STX12: variants seen among roughly 807,000 people sequenced by gnomAD.
STX12 encodes the protein syntaxin 12, also known as syntaxin-12.
STX12 carries 17 observed loss-of-function variants against 42.2 expected under a neutral mutation model. The ratio of observed to expected loss-of-function variants is 0.40; its 90% CI spans 0.28 to 0.60. The LOEUF (loss-of-function observed/expected upper bound fraction) is 0.60, where lower values mean the gene tolerates loss of function less well. STX12 is among the 20% of genes least tolerant of loss of function. STX12 has a pLI of 0.39. For synonymous variants in STX12, 108 were observed against 116.7 expected (o/e 0.93, Z 0.48); for missense variants, 297 against 330.9 (o/e 0.90, Z 0.79).
chr1:27,799,581 T>G (rs1014162303), intron 3 of STX12, among the ~76,000 whole-genome samples: 1 of 149,562 alleles, frequency 6.7e-6, no homozygotes, highest in Non-Finnish European at 1.5e-5. Flanking sequence ...CTTCCAGGTT[T>G]AAGCAGTTCT....
chr1:27,773,229 C>A lies in STX12; in HGVS notation c.-79C>A. 1.1e-6 allele frequency: 1 copy of A among 930,154 alleles called. No individual in the cohort carries two copies. Among genetic ancestry groups the A allele is most frequent in the Non-Finnish European group, 1.7e-6 (1 of 595,664 alleles). The allele number at this position is 930,154 out of a possible 1,614,324, so 57.6% of individuals were successfully genotyped here. Reference sequence around the variant, plus strand: ...CCCGCCCTTGCTCTTCCCAGTTTCTCCGTCAGCCTGCGGGTCCCGGCTGGC... The same window carrying A: ...CCCGCCCTTGCTCTTCCCAGTTTCTACGTCAGCCTGCGGGTCCCGGCTGGC... On this transcript the variant is annotated 5_prime_UTR_variant, in exon 1 of 9. Transcript: ENST00000373943.
intron 1 of STX12, among the ~76,000 whole-genome samples, chr1:27,786,980 A>G (rs1268397857): frequency 6.6e-6 from 1 of 152,244 alleles, no homozygotes; most frequent in Non-Finnish European, 1.5e-5. Flanking sequence ...TGCAGTAATT[A>G]TAGTGCTTAT....
intron 4 of STX12, among the ~76,000 whole-genome samples, chr1:27,806,702 T>C (rs2088864314): frequency 6.6e-6 from 1 of 152,224 alleles, no homozygotes; most frequent in South Asian, 2.1e-4. Flanking sequence ...TTCACACTGC[T>C]ATAAAGATAC....
At chr1:27,806,720 G>A (rs1334250858) in intron 4 of STX12, among the ~76,000 whole-genome samples, 1 of 152,144 alleles carries the variant, frequency 6.6e-6, no homozygotes, top group Non-Finnish European at 1.5e-5. Flanking sequence ...TACTACCTGA[G>A]ACTGGATACT....
chr1:27,817,895 G>A lies in STX12; in HGVS notation c.621G>A (p.Met207Ile), dbSNP rs1289011005. 1 of 1,614,028 alleles carries A rather than the reference G, an allele frequency of 6.2e-7. No homozygotes were observed. Among genetic ancestry groups the A allele is most frequent in the Non-Finnish European group, 8.5e-7 (1 of 1,179,984 alleles). Residue 207 changes from methionine (M) to isoleucine (I), a missense_variant, in exon 7 of 9, where the codon ATG becomes ATA. Coordinates refer to ENST00000373943, the MANE Select transcript of STX12 (RefSeq NM_177424.3). ...ATCAGATATTTAAAGATTTGGCCAT[G>A]ATGATCCATGACCAGGGTGATCTGA... ...DVNQIFKDLA[M>I]MIHDQGDLID... is the part of the protein sequence containing the mutation.
In STX12 at chr1:27,817,927, T is replaced by C. The variant is rs2088954286; in HGVS notation, c.649+4T>C. ...CATGACCAGGGTGATCTGATTGGTA[T>C]GTATTATTGATACCTTTAACCTCAA... On this transcript the variant is annotated splice_donor_region_variant and intron_variant, in intron 7 of 8. Transcript: ENST00000373943. 6.2e-7 allele frequency: 1 copy of C among 1,612,606 alleles called. No individual in the cohort carries two copies. The highest frequency in any genetic ancestry group is 1.3e-5 in the African/African-American group (1 of 74,904).
chr1:27,783,626 C>T (rs151035407), intron 1 of STX12, among the ~76,000 whole-genome samples: 307 of 152,178 alleles, frequency 2.0e-3, no homozygotes, highest in African/African-American at 6.8e-3. Context: ...TGAGCCACCA[C>T]GCCCAGCTGA....
At chr1:27,800,901 A>G (rs1418291335) in intron 3 of STX12, among the ~76,000 whole-genome samples, 1 of 152,188 alleles carries the variant, frequency 6.6e-6, no homozygotes, top group Non-Finnish European at 1.5e-5. Context: ...CCAAGTCTCA[A>G]AGATTTTAAA....
At chr1:27,801,573 C>T in intron 3 of STX12, 105 bp from the exon 4 acceptor site, 1 of 1,186,220 alleles carries the variant, frequency 8.4e-7, no homozygotes, top group Non-Finnish European at 1.1e-6. Flanking sequence ...TAATAATTTT[C>T]CTAGTTGGAA....
At position 27,801,745 on chromosome 1, in the gene STX12, C is replaced by G; in HGVS notation, c.356C>G (p.Ala119Gly). ...DFSAALNNFQ[A>G]VQRRVSEKEK... is the part of the protein sequence containing the mutation. ...TCTGCAGCCTTAAACAATTTCCAGG[C>G]TGTGCAGAGAAGGGTATCTGAAAAG... Residue 119 changes from alanine to glycine, a missense_variant, in exon 4 of 9, where the codon GCT becomes GGT. By Grantham distance (60) the Ala-to-Gly change is moderately conservative. Coordinates refer to ENST00000373943, the MANE Select transcript of STX12 (RefSeq NM_177424.3). The G allele has an allele frequency of 6.3e-7, 1 of 1,593,720 alleles. No homozygotes were observed. Among genetic ancestry groups the G allele is most frequent in the Non-Finnish European group, 8.5e-7 (1 of 1,172,654 alleles).
chr1:27,782,790 C>T (rs1244426717), intron 1 of STX12, among the ~76,000 whole-genome samples: 6 of 152,086 alleles, frequency 3.9e-5, no homozygotes, highest in African/African-American at 7.2e-5. Flanking sequence ...GAGCTGAGAC[C>T]GTGCCATTGC....
intron 5 of STX12, among the ~76,000 whole-genome samples, chr1:27,811,697 T>C (rs552475034): frequency 6.6e-6 from 1 of 152,124 alleles, no homozygotes; most frequent in East Asian, 2.0e-4. Context: ...CTAGGAGATG[T>C]GATTCTGTTG....
intron 6 of STX12, among the ~76,000 whole-genome samples, chr1:27,816,965 G>A (rs996054904): frequency 6.8e-6 from 1 of 146,546 alleles, no homozygotes; most frequent in Non-Finnish European, 1.5e-5. Flanking sequence ...AAAGAAGGAA[G>A]GGAGGGAGGG....
At chr1:27,790,568 A>G (rs762560354) in intron 2 of STX12, among the ~76,000 whole-genome samples, 4 of 152,262 alleles carry the variant, frequency 2.6e-5, no homozygotes, top group Non-Finnish European at 4.4e-5. Flanking sequence ...AAAATTTCTC[A>G]GAGTCCTCAC....
chr1:27,801,921 G>T, intron 4 of STX12, 106 bp downstream of exon 4: 1 of 1,415,020 alleles, frequency 7.1e-7, no homozygotes, highest in African/African-American at 1.5e-5. Flanking sequence ...TAAGTTAGCT[G>T]CTGTGAAAAT....
chr1:27,794,387 T>C (rs974695428), intron 3 of STX12, among the ~76,000 whole-genome samples: 3 of 152,248 alleles, frequency 2.0e-5, no homozygotes, highest in African/African-American at 7.2e-5. Flanking sequence ...CTTTCATGTT[T>C]TGCAGTTACC....
intron 3 of STX12, 52 bp from the exon 4 acceptor site, chr1:27,801,626 C>A (rs2088828948): frequency 2.8e-6 from 4 of 1,437,106 alleles, no homozygotes; most frequent in Non-Finnish European, 2.7e-6. Context: ...AAATTAAAAC[C>A]AAATGATTCT....
intron 4 of STX12, among the ~76,000 whole-genome samples, chr1:27,805,040 G>A (rs1277680461): frequency 6.6e-6 from 1 of 152,100 alleles, no homozygotes; most frequent in African/African-American, 2.4e-5. Flanking sequence ...ATCAGATGTT[G>A]TGAGAACTCA....
At chr1:27,804,871 G>A (rs527512019) in intron 4 of STX12, among the ~76,000 whole-genome samples, 2 of 151,880 alleles carry the variant, frequency 1.3e-5, no homozygotes, top group Non-Finnish European at 2.9e-5. Context: ...AATTTATATT[G>A]AAGTATTTAA....
Sources: allele counts gnomAD v4.1 joint callset (sites outside exome capture counted in the v4.1 genomes callset), GRCh38; gene constraint gnomAD v4.1.1; transcripts MANE v1.5; gene names NCBI Gene and HGNC (gene_info 2026-07-23, HGNC 2026-07-21).